The following DECR1 variants were observed in gnomAD, a reference collection of about 807,000 sequenced individuals.
The protein encoded by DECR1 is 2,4-dienoyl-CoA reductase 1.
A neutral mutation model predicts 38.8 loss-of-function variants in DECR1; 44 were observed. The ratio of observed to expected loss-of-function variants is 1.13; its 90% CI spans 0.89 to 1.46. The LOEUF (loss-of-function observed/expected upper bound fraction) is 1.46. Among genes scored for constraint, DECR1 ranks in the 40% most tolerant of loss-of-function variants. DECR1 has a pLI of 0.00. For synonymous variants in DECR1, 148 were observed against 135.2 expected (o/e 1.09, Z -0.66); for missense variants, 428 against 405.5 (o/e 1.06, Z -0.48).
At chr8:90,016,275 A>G (rs1813004089) in intron 1 of DECR1, among the ~76,000 whole-genome samples, 1 of 152,206 alleles carries the variant, frequency 6.6e-6, no homozygotes, top group South Asian at 2.1e-4. Context: ...AGTAATTCAA[A>G]GGTGGAAAGT....
chr8:90,035,105 G>C (rs1448137536), intron 5 of DECR1, among the ~76,000 whole-genome samples: 1 of 151,968 alleles, frequency 6.6e-6, no homozygotes, highest in African/African-American at 2.4e-5. Context: ...CTGTGTTTGT[G>C]TATTTTTATT....
intron 1 of DECR1, among the ~76,000 whole-genome samples, chr8:90,013,564 G>A (rs1364179340): frequency 6.6e-6 from 1 of 152,046 alleles, no homozygotes; most frequent in Non-Finnish European, 1.5e-5. Flanking sequence ...GCTGGACAGA[G>A]CTCAGGCCTT....
intron 5 of DECR1, among the ~76,000 whole-genome samples, chr8:90,031,638 T>C (rs1813497929): frequency 6.6e-6 from 1 of 152,160 alleles, no homozygotes; most frequent in Admixed American, 6.6e-5. Flanking sequence ...GGGCTCTCAT[T>C]GAAAAATGGC....
At chr8:90,015,432 C>CT (rs950651858) in intron 1 of DECR1, 1 of 307,876 alleles carries the variant, frequency 3.2e-6, no homozygotes, top group African/African-American at 2.2e-5. Context: ...TCCTTCTAGT[C>CT]TTTTTTTCTA....
At chr8:90,013,399 G>GTTTTTGTTTTTT (rs1812932422) in intron 1 of DECR1, among the ~76,000 whole-genome samples, 1 of 77,984 alleles carries the variant, frequency 1.3e-5, no homozygotes, top group Non-Finnish European at 2.3e-5. Context: ...CTCTTCTTTC[G>GTTTTTGTTTTTT]TTTTTTTTTT....
At chr8:90,028,154 A>C (rs1203707190) in intron 5 of DECR1, among the ~76,000 whole-genome samples, 1 of 152,140 alleles carries the variant, frequency 6.6e-6, no homozygotes, top group African/African-American at 2.4e-5. Context: ...GGTTGGCTAC[A>C]GCCTTGCTTT....
Position 90,006,082 on chromosome 8 carries a change from C to T in DECR1, c.69+4521C>T, listed in dbSNP as rs116489104. On this transcript the variant is annotated intron_variant, in intron 1 of 9. Transcript: ENST00000220764. Reference sequence around the variant, plus strand: ...TTCATGATGGATCTGCCACCATAACCCAGGCACCTCCCATTAGACCCCACC... The same window carrying T: ...TTCATGATGGATCTGCCACCATAACTCAGGCACCTCCCATTAGACCCCACC... 4.8e-3 allele frequency: 3,109 copies of T among 641,374 alleles called. 72 individuals carry two copies. The African/African-American group carries it at 0.05, about 10-fold the overall frequency. The allele number at this position is 641,374 out of a possible 1,614,324, so 39.7% of individuals were successfully genotyped here.
chr8:90,042,636 C>A, intron 6 of DECR1, 92 bp from the exon 7 acceptor site: 1 of 1,043,094 alleles, frequency 9.6e-7, no homozygotes, highest in Non-Finnish European at 1.5e-6. Flanking sequence ...TAATCTCTGG[C>A]ATGTAGTAAG....
intron 1 of DECR1, among the ~76,000 whole-genome samples, chr8:90,011,123 C>G (rs1812872678): frequency 6.6e-6 from 1 of 152,070 alleles, no homozygotes; most frequent in Non-Finnish European, 1.5e-5. Context: ...TTTAAAAAAC[C>G]ACATGAAGGG....
At chr8:90,043,641 A>AT (rs11457337) in intron 7 of DECR1, among the ~76,000 whole-genome samples, 1 of 152,042 alleles carries the variant, frequency 6.6e-6, no homozygotes, top group Non-Finnish European at 1.5e-5. Context: ...GGTATTAAAA[A>AT]TAACTTGGAA....
chr8:90,050,426 C>G (rs1342554268), intron 8 of DECR1, among the ~76,000 whole-genome samples: 1 of 152,188 alleles, frequency 6.6e-6, no homozygotes, highest in Non-Finnish European at 1.5e-5. Flanking sequence ...TGAAAAAATG[C>G]TCATCATCAC....
intron 1 of DECR1, among the ~76,000 whole-genome samples, chr8:90,013,871 A>G (rs1381665952): frequency 6.6e-6 from 1 of 152,184 alleles, no homozygotes; most frequent in Non-Finnish European, 1.5e-5. Flanking sequence ...CAACTCTCAG[A>G]ACTGCCATTT....
At position 90,044,951 on chromosome 8, in the gene DECR1, G is replaced by A. The variant is rs992422968; in HGVS notation, c.841G>A (p.Ala281Thr). 6.2e-7 allele frequency: 1 copy of A among 1,613,740 alleles called. No homozygotes were observed. The highest frequency in any genetic ancestry group is 1.3e-5 in the African/African-American group (1 of 74,918). Residue 281 changes from alanine (A) to threonine (T), a missense_variant, in exon 8 of 10, where the codon GCT becomes ACT. Coordinates refer to ENST00000220764, the MANE Select transcript of DECR1 (RefSeq NM_001359.2). ...GACTGTAGAAGAACTCGCAAATCTTGCTGCTTTCCTTTGTAGTGATTATGC... is the reference window on the plus strand; with the variant it reads ...GACTGTAGAAGAACTCGCAAATCTTACTGCTTTCCTTTGTAGTGATTATGC... ...LGTVEELANL[A>T]AFLCSDYASW...
chr8:90,030,243 G>T (rs1465120811), intron 5 of DECR1, among the ~76,000 whole-genome samples: 2 of 152,120 alleles, frequency 1.3e-5, no homozygotes, highest in Non-Finnish European at 1.5e-5. Flanking sequence ...TTCTTGCTGT[G>T]TGGCCTGGTT....
chr8:90,012,513 G>T (rs567068859), intron 1 of DECR1, among the ~76,000 whole-genome samples: 1 of 152,082 alleles, frequency 6.6e-6, no homozygotes, highest in Non-Finnish European at 1.5e-5. Flanking sequence ...ATAATTTAGG[G>T]TCATTGGAAA....
chr8:90,004,767 C>T (rs1282377977), intron 1 of DECR1, among the ~76,000 whole-genome samples: 5 of 152,176 alleles, frequency 3.3e-5, no homozygotes, highest in Non-Finnish European at 7.3e-5. Flanking sequence ...ATACCTAGAA[C>T]AGTGCTTAGC....
chr8:90,036,092 G>A (rs558694261), intron 5 of DECR1, among the ~76,000 whole-genome samples: 35 of 152,170 alleles, frequency 2.3e-4, no homozygotes, highest in Admixed American at 3.9e-4. Flanking sequence ...CACTAAACAT[G>A]TACAGCTTAT....
In DECR1 at chr8:90,001,538, C is replaced by A. The variant is rs1412434484; in HGVS notation, c.46C>A (p.Pro16Thr). 1 of 1,613,668 alleles carries A rather than the reference C, an allele frequency of 6.2e-7. No homozygotes were observed. Among genetic ancestry groups the A allele is most frequent in the Non-Finnish European group, 8.5e-7 (1 of 1,179,848 alleles). ...TTTCTTTACTCTGGGGTCCCGGCTG[C>A]CCTGTGGCCTCGCTCCTCGGAGGGT... is the stretch of plus-strand genomic sequence containing the variant. ...RVFFTLGSRL[P>T]CGLAPRRFFS... Residue 16 changes from proline to threonine, a missense_variant, in exon 1 of 10, where the codon CCC (proline) becomes ACC (threonine). Physicochemically the swap from Pro to Thr is conservative, Grantham distance 38. Coordinates refer to ENST00000220764, the MANE Select transcript of DECR1 (RefSeq NM_001359.2).
intron 5 of DECR1, among the ~76,000 whole-genome samples, 169 bp downstream of exon 5, chr8:90,021,225 G>A (rs538348527): frequency 6.6e-6 from 1 of 152,234 alleles, no homozygotes; most frequent in Non-Finnish European, 1.5e-5. Context: ...AATTTGAGCA[G>A]TAATAAATAT....
Sources: gnomAD v4.1 joint callset for allele counts (sites outside exome capture counted in the v4.1 genomes callset) on GRCh38, gnomAD v4.1.1 for gene constraint, MANE v1.5 for transcripts, NCBI Gene and HGNC (gene_info 2026-07-23, HGNC 2026-07-21) for gene names.